The following NBAS variants were observed in gnomAD, a reference collection of about 807,000 sequenced individuals.
NBAS encodes NBAS subunit of NRZ tethering complex, also known as NAG/BC035112 fusion.
Under a neutral mutation model 302.5 loss-of-function variants are expected in NBAS, and 219 were observed. That is an observed-to-expected ratio of 0.72 (90% confidence interval 0.65 to 0.81). The LOEUF (loss-of-function observed/expected upper bound fraction) is 0.81. Ranked by LOEUF, NBAS falls within the 30% of genes least tolerant of loss-of-function variation. NBAS has a pLI of 0.00. For synonymous variants in NBAS, 1,118 were observed against 1,021.6 expected (o/e 1.09, Z -1.80); for missense variants, 2,932 against 2,841.6 (o/e 1.03, Z -0.72).
intron 11 of NBAS, among the ~76,000 whole-genome samples, chr2:15,498,725 G>T (rs1482871445): frequency 6.6e-6 from 1 of 151,976 alleles, no homozygotes; most frequent in Non-Finnish European, 1.5e-5. Flanking sequence ...TGGTTTAAGT[G>T]TGTGGCACTT....
intron 44 of NBAS, among the ~76,000 whole-genome samples, chr2:15,250,702 T>C (rs1207263366): frequency 6.6e-6 from 1 of 152,094 alleles, no homozygotes; most frequent in Non-Finnish European, 1.5e-5. Context: ...AACAAGCATA[T>C]GAAAAAAGCT....
the NBAS span, among the ~76,000 whole-genome samples, chr2:14,968,339 A>G: frequency 6.6e-6 from 1 of 152,244 alleles, no homozygotes; most frequent in Non-Finnish European, 1.5e-5. Flanking sequence ...AAGAATGTAT[A>G]CAAATAACAA....
At chr2:14,949,530 C>T in the NBAS span, among the ~76,000 whole-genome samples, 1 of 152,086 alleles carries the variant, frequency 6.6e-6, no homozygotes, top group African/African-American at 2.4e-5. Context: ...ATCAAAACTA[C>T]AGTATATTGA....
At chr2:14,785,602 G>A in the NBAS span, among the ~76,000 whole-genome samples, 1 of 152,160 alleles carries the variant, frequency 6.6e-6, no homozygotes, top group Non-Finnish European at 1.5e-5. Context: ...CTTTGGTTCT[G>A]TTTATGTGCT....
Position 15,309,946 on chromosome 2 carries a change from C to T in NBAS, c.4583-699G>A, listed in dbSNP as rs535227107. Among the ~76,000 whole-genome samples the T allele has an allele frequency of 2.0e-5, 3 of 152,282 alleles. No individual in the cohort carries two copies. The East Asian group carries it at 5.8e-4, about 29-fold the overall frequency. On this transcript the variant is annotated intron_variant, in intron 38 of 51. Transcript: ENST00000281513. Reference sequence around the variant, plus strand: ...GATGTATCCTATTCATTTAGCATCTCAGTAGCAAATACTAAGTAGTCATAT... The same window carrying T: ...GATGTATCCTATTCATTTAGCATCTTAGTAGCAAATACTAAGTAGTCATAT...
At chr2:14,949,771 G>A in the NBAS span, among the ~76,000 whole-genome samples, 1 of 152,138 alleles carries the variant, frequency 6.6e-6, no homozygotes, top group East Asian at 1.9e-4. Context: ...AGGTCATTTT[G>A]TTAAGAGAAA....
At chr2:14,800,093 A>AT in the NBAS span, among the ~76,000 whole-genome samples, 1 of 152,118 alleles carries the variant, frequency 6.6e-6, no homozygotes, top group African/African-American at 2.4e-5. Flanking sequence ...CCACCATGGT[A>AT]TTTGATTTAG....
In NBAS at chr2:15,451,176, G is replaced by A. The variant is rs145208071; in HGVS notation, c.2339+10025C>T. ...AAGTGATCCTCTTGCCTCAGCCCCC[G>A]AGTAGCTGGGGCTACAGAAGTGTGC... On this transcript the variant is annotated intron_variant, in intron 21 of 51. Coordinates refer to ENST00000281513, the MANE Select transcript of NBAS (RefSeq NM_015909.4). Among the ~76,000 whole-genome samples, 738 of 152,174 alleles carry A rather than the reference G, an allele frequency of 4.8e-3. 8 individuals carry two copies. Among genetic ancestry groups the A allele is most frequent in the African/African-American group, 0.016 (673 of 41,538 alleles).
chr2:15,419,906 G>A (rs746885167), intron 23 of NBAS, among the ~76,000 whole-genome samples: 4 of 152,010 alleles, frequency 2.6e-5, no homozygotes, highest in Non-Finnish European at 5.9e-5. Context: ...TAGAGATGGC[G>A]TTTCACCATG....
the NBAS span, among the ~76,000 whole-genome samples, chr2:14,877,852 T>C: frequency 1.3e-5 from 2 of 152,172 alleles, no homozygotes; most frequent in Admixed American, 1.3e-4. Context: ...ATAAAGGAGC[T>C]TTCTGGCTTT....
At chr2:15,243,319 C>A (rs953956256) in intron 44 of NBAS, among the ~76,000 whole-genome samples, 1 of 152,126 alleles carries the variant, frequency 6.6e-6, no homozygotes, top group Non-Finnish European at 1.5e-5. Flanking sequence ...ACATGGCTCA[C>A]TATCCAGTTT....
At chr2:15,181,000 G>A (rs1336539316) in intron 50 of NBAS, among the ~76,000 whole-genome samples, 1 of 152,220 alleles carries the variant, frequency 6.6e-6, no homozygotes, top group Non-Finnish European at 1.5e-5. Flanking sequence ...TAAATGTACT[G>A]TATAAATATT....
the NBAS span, among the ~76,000 whole-genome samples, chr2:14,789,835 CCAGTACTGCTGTACA>C: frequency 6.6e-6 from 1 of 152,116 alleles, no homozygotes; most frequent in African/African-American, 2.4e-5. Context: ...CTTTGTATCT[CCAGTACTGCTGTACA>C]CAGCAGATGT....
the NBAS span, among the ~76,000 whole-genome samples, chr2:15,104,786 T>A: frequency 6.6e-6 from 1 of 152,222 alleles, no homozygotes; most frequent in Non-Finnish European, 1.5e-5. Context: ...TATATTTGCA[T>A]TTCTCTAATG....
At chr2:15,098,615 G>GTATTATATACTGTATATTATA in the NBAS span, among the ~76,000 whole-genome samples, 1 of 82,878 alleles carries the variant, frequency 1.2e-5, no homozygotes, top group African/African-American at 6.2e-5. Flanking sequence ...TGTATATAAT[G>GTATTATATACTGTATATTATA]TATTATATAT....
the NBAS span, among the ~76,000 whole-genome samples, chr2:14,897,089 A>G: frequency 6.7e-6 from 1 of 150,300 alleles, no homozygotes; most frequent in East Asian, 1.9e-4. Flanking sequence ...ATCATTTTAC[A>G]CATGGGAAAA....
the NBAS span, among the ~76,000 whole-genome samples, chr2:15,011,743 T>A: frequency 2.0e-5 from 3 of 151,844 alleles, no homozygotes; most frequent in Non-Finnish European, 4.4e-5. Flanking sequence ...CCCCAGCAAA[T>A]TCATGCCACC....
At chr2:15,417,857 C>T in intron 23 of NBAS, 145 bp from the exon 24 acceptor site, 1 of 744,606 alleles carries the variant, frequency 1.3e-6, no homozygotes. Flanking sequence ...TTATTTACTG[C>T]AAAAACATCA....
chr2:15,537,506 G>A (rs936180165), intron 7 of NBAS, among the ~76,000 whole-genome samples: 1 of 152,080 alleles, frequency 6.6e-6, no homozygotes, highest in Non-Finnish European at 1.5e-5. Flanking sequence ...GGCTGGATGG[G>A]GTGGCTCACA....
Sources: allele counts gnomAD v4.1 joint callset (sites outside exome capture counted in the v4.1 genomes callset), GRCh38; gene constraint gnomAD v4.1.1; transcripts MANE v1.5; gene names NCBI Gene and HGNC (gene_info 2026-07-23, HGNC 2026-07-21).